The following TMEM132D variants were observed in gnomAD, a reference collection of about 807,000 sequenced individuals.
TMEM132D encodes the protein transmembrane protein 132D.
A neutral mutation model predicts 62.3 loss-of-function variants in TMEM132D; 21 were observed. The ratio of observed to expected loss-of-function variants is 0.34; its 90% CI spans 0.24 to 0.49. TMEM132D has a LOEUF of 0.49. Among genes scored for constraint, TMEM132D ranks in the 20% least tolerant of loss-of-function variants. The pLI, the probability that TMEM132D is intolerant of heterozygous loss-of-function variation, is 0.99. For synonymous variants in TMEM132D, 621 were observed against 575.6 expected, an observed-to-expected ratio of 1.08 and a Z score of -1.13; for missense variants, 1,346 against 1,402.8, an observed-to-expected ratio of 0.96 and a Z score of 0.65.
At chr12:129,355,238 T>C (rs1870002346) in intron 3 of TMEM132D, among the ~76,000 whole-genome samples, 1 of 152,194 alleles carries the variant, frequency 6.6e-6, no homozygotes, top group Non-Finnish European at 1.5e-5. Context: ...AAGAACTATT[T>C]AGAGCTAAGT....
chr12:129,656,480 C>A (rs762704722), intron 2 of TMEM132D, among the ~76,000 whole-genome samples: 9 of 152,160 alleles, frequency 5.9e-5, no homozygotes, highest in Non-Finnish European at 1.0e-4. Flanking sequence ...AAGCCCTTGT[C>A]TCAGGACACA....
intron 2 of TMEM132D, among the ~76,000 whole-genome samples, chr12:129,666,508 G>T (rs747399765): frequency 6.6e-6 from 1 of 152,066 alleles, no homozygotes; most frequent in Non-Finnish European, 1.5e-5. Context: ...GTAGACATTT[G>T]GTCTAAATTA....
intron 1 of TMEM132D, among the ~76,000 whole-genome samples, chr12:129,863,881 G>A (rs567381710): frequency 2.6e-5 from 4 of 152,026 alleles, no homozygotes; most frequent in Non-Finnish European, 5.9e-5. Flanking sequence ...CTCATCAGTC[G>A]GCAGAGTTTA....
chr12:129,762,312 G>A (rs950745816), intron 1 of TMEM132D, among the ~76,000 whole-genome samples: 1 of 151,884 alleles, frequency 6.6e-6, no homozygotes, highest in Non-Finnish European at 1.5e-5. Context: ...GGGAACATGA[G>A]CTGCCACTCT....
intron 1 of TMEM132D, among the ~76,000 whole-genome samples, chr12:129,776,520 ACT>A (rs1870928659): frequency 6.6e-6 from 1 of 152,108 alleles, no homozygotes; most frequent in Non-Finnish European, 1.5e-5. Flanking sequence ...GTGGTTGACT[ACT>A]AGTAAAAAGG....
intron 1 of TMEM132D, among the ~76,000 whole-genome samples, chr12:129,769,039 A>G (rs1420449835): frequency 6.6e-6 from 1 of 152,172 alleles, no homozygotes; most frequent in East Asian, 1.9e-4. Flanking sequence ...CAGCCTGTTC[A>G]GTTGTGGCCA....
chr12:129,547,683 A>G (rs1013388042), intron 2 of TMEM132D, among the ~76,000 whole-genome samples: 2 of 152,220 alleles, frequency 1.3e-5, no homozygotes, highest in Non-Finnish European at 2.9e-5. Context: ...GTGTGAGATG[A>G]GTAAATTGCT....
rs1009367009 is a variant in TMEM132D, at chr12:129,072,563, A to G, written c.*1312T>C. The G allele has an allele frequency of 1.3e-5, 2 of 152,350 alleles. No homozygotes were observed. The highest frequency in any genetic ancestry group is 4.8e-5 in the African/African-American group (2 of 41,434). 9.4% of individuals were successfully genotyped at this position (152,350 alleles called of 1,614,324 possible). A position where few individuals can be genotyped will look rare whatever the true frequency, so the allele number is the denominator to read the frequency against. On this transcript the variant is annotated 3_prime_UTR_variant, in exon 9 of 9. Transcript: ENST00000422113. ...GCTTGCAAACCTGCATCTTCACCAC[A>G]TGCACTGATGCCCCTTATCCCTTCG... is the stretch of plus-strand genomic sequence containing the variant.
Position 129,441,964 on chromosome 12 carries a change from C to A in TMEM132D, c.1115+89095G>T, listed in dbSNP as rs550789958. On this transcript the variant is annotated intron_variant, in intron 3 of 8. Transcript: ENST00000422113. The stretch of plus-strand genomic sequence containing the variant: ...TCATGGACATAAAGATGGCAACAGT[C>A]GGCCTGGAGGCTACTAGAAGCAAGA... Among the ~76,000 whole-genome samples the A allele has an allele frequency of 5.9e-5, 9 of 152,208 alleles. 1 individual carries two copies. The South Asian group carries it at 1.9e-3, about 32-fold the overall frequency.
At chr12:129,209,817 C>T (rs1446876344) in intron 4 of TMEM132D, 154 bp from the exon 5 acceptor site, 18 of 1,010,578 alleles carry the variant, frequency 1.8e-5, no homozygotes, top group East Asian at 5.2e-5. Flanking sequence ...GCTGGCTGAC[C>T]GTGGCAGCCA....
chr12:129,262,549 G>A (rs1880577563), intron 4 of TMEM132D: 1 of 152,200 alleles, frequency 6.6e-6, no homozygotes, highest in African/African-American at 2.4e-5. Flanking sequence ...AGGAAAAGGT[G>A]GGCTCATGGC....
At chr12:129,383,320 T>C (rs559189031) in intron 3 of TMEM132D, among the ~76,000 whole-genome samples, 7 of 152,284 alleles carry the variant, frequency 4.6e-5, no homozygotes, top group Non-Finnish European at 8.8e-5. Context: ...CTAGAAAGGC[T>C]GAAGAACCCT....
intron 2 of TMEM132D, among the ~76,000 whole-genome samples, chr12:129,616,143 G>A (rs1024341077): frequency 6.6e-6 from 1 of 152,186 alleles, no homozygotes; most frequent in Non-Finnish European, 1.5e-5. Context: ...CAAAATTATA[G>A]TTTCACTATA....
At chr12:129,236,542 A>G (rs997485147) in intron 4 of TMEM132D, among the ~76,000 whole-genome samples, 1 of 151,522 alleles carries the variant, frequency 6.6e-6, no homozygotes, top group Non-Finnish European at 1.5e-5. Flanking sequence ...GAAAAAAAAA[A>G]GAAAAGAAAT....
At chr12:129,267,980 T>C (rs944752903) in intron 4 of TMEM132D, among the ~76,000 whole-genome samples, 2 of 152,216 alleles carry the variant, frequency 1.3e-5, no homozygotes, top group Admixed American at 1.3e-4. Context: ...TAGCTAGCCA[T>C]ATGTAGAAAG....
At chr12:129,188,219 C>G (rs560596659) in intron 5 of TMEM132D, among the ~76,000 whole-genome samples, 32 of 152,298 alleles carry the variant, frequency 2.1e-4, no homozygotes, top group African/African-American at 7.0e-4. Flanking sequence ...CCTATGGAAG[C>G]TGTTCTTTCT....
chr12:129,123,615 T>C (rs1467837606), intron 5 of TMEM132D, among the ~76,000 whole-genome samples: 1 of 152,180 alleles, frequency 6.6e-6, no homozygotes, highest in African/African-American at 2.4e-5. Context: ...TTGACTGGGT[T>C]AAGGGATGCC....
Position 129,295,575 on chromosome 12 carries a change from C to A in TMEM132D, c.1299+42059G>T, listed in dbSNP as rs1277236220. 1.3e-4 allele frequency among the ~76,000 whole-genome samples: 20 copies of A among 151,886 alleles called. 1 individual carries two copies. Among genetic ancestry groups the A allele is most frequent in the Admixed American group, 1.2e-3 (19 of 15,244 alleles). On this transcript the variant is annotated intron_variant, in intron 4 of 8. Coordinates refer to ENST00000422113, the MANE Select transcript of TMEM132D (RefSeq NM_133448.3). Reference sequence around the variant, plus strand: ...TCTCCCAAGTAGCTGAGTTTACAAGCACGCACCACCATGCCCAGCTAATTT... The same window carrying A: ...TCTCCCAAGTAGCTGAGTTTACAAGAACGCACCACCATGCCCAGCTAATTT...
chr12:129,661,105 G>A lies in TMEM132D; in HGVS notation c.968+38705C>T, dbSNP rs1026068941. The stretch of plus-strand genomic sequence containing the variant: ...GGAAAACGTCACTTCTAGGAGATTC[G>A]GTCTGCAGCTGTGCTGGGCTAACGG... On this transcript the variant is annotated intron_variant, in intron 2 of 8. Coordinates refer to ENST00000422113, the MANE Select transcript of TMEM132D (RefSeq NM_133448.3). Among the ~76,000 whole-genome samples the A allele has an allele frequency of 3.9e-5, 6 of 152,320 alleles. 1 individual carries two copies. The highest frequency in any genetic ancestry group is 4.1e-4 in the South Asian group (2 of 4,824).
Sources: allele counts gnomAD v4.1 joint callset (sites outside exome capture counted in the v4.1 genomes callset), GRCh38; gene constraint gnomAD v4.1.1; transcripts MANE v1.5; gene names NCBI Gene and HGNC (gene_info 2026-07-23, HGNC 2026-07-21).